The following ABCG2 variants were observed in gnomAD, a reference collection of about 807,000 sequenced individuals.
ABCG2 encodes the protein ATP binding cassette subfamily G member 2 (JR blood group), also known as broad substrate specificity ATP-binding cassette transporter ABCG2.
ABCG2 carries 80 observed loss-of-function variants against 73.5 expected under a neutral mutation model. The ratio of observed to expected loss-of-function variants is 1.09; its 90% CI spans 0.91 to 1.31. The LOEUF is 1.31. ABCG2 is among the 50% of genes most tolerant of loss of function. The pLI, the probability that ABCG2 is intolerant of heterozygous loss-of-function variation, is 0.00. For synonymous variants in ABCG2, 269 were observed against 282.4 expected (o/e 0.95, Z 0.48); for missense variants, 796 against 786.2 (o/e 1.01, Z -0.15).
At chr4:88,209,542 A>G (rs1729509980) in intron 1 of ABCG2, among the ~76,000 whole-genome samples, 1 of 151,448 alleles carries the variant, frequency 6.6e-6, no homozygotes. Flanking sequence ...GAGCGCCTGT[A>G]ATCCCAGCTA....
intron 1 of ABCG2, among the ~76,000 whole-genome samples, chr4:88,216,564 CT>C (rs1729820527): frequency 6.6e-6 from 1 of 152,172 alleles, no homozygotes. Context: ...ACTATACCTA[CT>C]GCTGAATGTC....
intron 9 of ABCG2, among the ~76,000 whole-genome samples, chr4:88,111,216 T>C (rs1723111548): frequency 6.8e-6 from 1 of 146,646 alleles, no homozygotes; most frequent in Admixed American, 7.0e-5. Context: ...AAAAATCTAA[T>C]GCATACATCA....
At chr4:88,142,802 G>C (rs888442748) in intron 1 of ABCG2, among the ~76,000 whole-genome samples, 9 of 152,072 alleles carry the variant, frequency 5.9e-5, no homozygotes, top group African/African-American at 2.2e-4. Context: ...CAAAAAAGTA[G>C]CCGAGTATGC....
chr4:88,160,480 G>A (rs918547806), upstream of ABCG2, among the ~76,000 whole-genome samples: 1 of 152,220 alleles, frequency 6.6e-6, no homozygotes, highest in Admixed American at 6.5e-5. Context: ...AAACTGATAT[G>A]AAGCACATTT....
chr4:88,175,936 G>A (rs1727947037), intron 1 of ABCG2, among the ~76,000 whole-genome samples: 1 of 152,166 alleles, frequency 6.6e-6, no homozygotes, highest in Non-Finnish European at 1.5e-5. Flanking sequence ...ATGGATAATG[G>A]TTGTGGGGAT....
intron 5 of ABCG2, among the ~76,000 whole-genome samples, chr4:88,130,645 C>G (rs959455220): frequency 6.6e-5 from 10 of 152,056 alleles, no homozygotes; most frequent in Non-Finnish European, 1.0e-4. Flanking sequence ...ACTCTCATCA[C>G]TTATCAATCC....
intron 1 of ABCG2, among the ~76,000 whole-genome samples, chr4:88,211,358 G>GGGGGC (rs1553900212): frequency 3.0e-5 from 1 of 33,672 alleles, no homozygotes; most frequent in Admixed American, 4.4e-4. Context: ...TTCAACCCCT[G>GGGGGC]CCCCACCCCC....
chr4:88,214,438 G>A (rs1012891377), intron 1 of ABCG2, among the ~76,000 whole-genome samples: 5 of 152,124 alleles, frequency 3.3e-5, no homozygotes, highest in African/African-American at 1.2e-4. Context: ...TCAGAACGAT[G>A]AGACACATGA....
chr4:88,119,824 C>T (rs573941615), intron 6 of ABCG2, among the ~76,000 whole-genome samples: 15 of 152,148 alleles, frequency 9.9e-5, no homozygotes, highest in South Asian at 4.1e-4. Context: ...AAAAGGGAAG[C>T]GGAGCATACA....
intron 1 of ABCG2, among the ~76,000 whole-genome samples, chr4:88,146,337 T>C (rs1725993763): frequency 8.9e-6 from 1 of 112,784 alleles, no homozygotes; most frequent in Non-Finnish European, 2.1e-5. Context: ...CTTACATAAG[T>C]AAGGTGGGAG....
intron 1 of ABCG2, among the ~76,000 whole-genome samples, chr4:88,228,520 A>G (rs554159443): frequency 1.3e-5 from 2 of 152,348 alleles, no homozygotes; most frequent in South Asian, 4.1e-4. Flanking sequence ...CTGATCAGTC[A>G]GTGCTTATGC....
chr4:88,106,844 C>T (rs979193955), intron 10 of ABCG2, among the ~76,000 whole-genome samples: 12 of 152,252 alleles, frequency 7.9e-5, no homozygotes, highest in African/African-American at 2.6e-4. Context: ...GAGTTCGAAG[C>T]CAGTCTAGCC....
At chr4:88,100,408 G>A (rs1297953664) in intron 11 of ABCG2, among the ~76,000 whole-genome samples, 1 of 151,412 alleles carries the variant, frequency 6.6e-6, no homozygotes, top group Admixed American at 6.6e-5. Flanking sequence ...GAGGCTGAGG[G>A]AGGAGAATCG....
At position 88,104,957 on chromosome 4, in the gene ABCG2, C is replaced by T. The variant is rs2725264; in HGVS notation, c.1277+2227G>A. 0.71 allele frequency among the ~76,000 whole-genome samples: 108,359 copies of T among 152,120 alleles called. 45,173 individuals carry two copies. The highest frequency in any genetic ancestry group is 0.93 in the Non-Finnish European group (63,292 of 68,024). On this transcript the variant is annotated intron_variant, in intron 10 of 15. Transcript: ENST00000237612. Reference sequence around the variant, plus strand: ...TGAGGACCAGGTTACTCCATGTCCTCTCCAAATGCTTCCTGCTGCACAATA... The same window carrying T: ...TGAGGACCAGGTTACTCCATGTCCTTTCCAAATGCTTCCTGCTGCACAATA...
intron 1 of ABCG2, among the ~76,000 whole-genome samples, chr4:88,199,260 C>T (rs1729056759): frequency 6.6e-6 from 1 of 152,074 alleles, no homozygotes; most frequent in African/African-American, 2.4e-5. Context: ...TGAGCCACTG[C>T]GCCTGGCCAA....
intron 9 of ABCG2, among the ~76,000 whole-genome samples, chr4:88,110,376 A>C (rs1358496813): frequency 6.6e-6 from 1 of 151,890 alleles, no homozygotes; most frequent in African/African-American, 2.4e-5. Flanking sequence ...GACCCTGTCT[A>C]TACTAAAAAT....
chr4:88,202,350 T>TATATATATATATATA (rs1553945697), intron 1 of ABCG2, among the ~76,000 whole-genome samples: 2 of 35,394 alleles, frequency 5.7e-5, no homozygotes, highest in Non-Finnish European at 9.6e-5. Flanking sequence ...ATCTCTACAA[T>TATATATATATATATA]TATTTATATA....
chr4:88,224,545 G>A lies in ABCG2; in HGVS notation c.-20+6449C>T, dbSNP rs1224657946. ...CTCTCTCTGTTGCCCAGGCTGGAAT[G>A]CAGTGGCGTGATCATGACTCACTGC... is the stretch of plus-strand genomic sequence containing the variant. On this transcript the variant is annotated intron_variant, in intron 1 of 15. Transcript: ENST00000515655. Among the ~76,000 whole-genome samples, 3 of 151,878 alleles carry A rather than the reference G, an allele frequency of 2.0e-5. No individual in the cohort carries two copies. The East Asian group carries it at 5.8e-4, about 29-fold the overall frequency.
intron 1 of ABCG2, among the ~76,000 whole-genome samples, chr4:88,175,107 T>A (rs150211138): frequency 6.6e-6 from 1 of 152,346 alleles, no homozygotes; most frequent in Non-Finnish European, 1.5e-5. Flanking sequence ...GTATTATACT[T>A]TATTATGGCA....
Sources: gnomAD v4.1 joint callset for allele counts (sites outside exome capture counted in the v4.1 genomes callset) on GRCh38, gnomAD v4.1.1 for gene constraint, MANE v1.5 for transcripts, NCBI Gene and HGNC (gene_info 2026-07-23, HGNC 2026-07-21) for gene names.